KCNQ1: variants seen among roughly 807,000 people sequenced by gnomAD.
The protein encoded by KCNQ1 is potassium voltage-gated channel subfamily KQT member 1.
In KCNQ1, 49 loss-of-function variants were observed where a neutral mutation model predicts 72.4. That is an observed-to-expected ratio of 0.68 (90% confidence interval 0.54 to 0.86). The LOEUF (loss-of-function observed/expected upper bound fraction) is 0.86. Among genes scored for constraint, KCNQ1 ranks in the 40% least tolerant of loss-of-function variants. KCNQ1 has a pLI of 0.00. For missense variants in KCNQ1, 790 were observed against 945.1 expected (o/e 0.84, Z 2.15); for synonymous variants, 450 against 412.6 (o/e 1.09, Z -1.10).
In KCNQ1 at chr11:2,808,693, C is replaced by T. The variant is rs1164015075; in HGVS notation, c.1794+30656C>T. On this transcript the variant is annotated intron_variant, in intron 15 of 15. Coordinates refer to ENST00000155840, the MANE Select transcript of KCNQ1 (RefSeq NM_000218.3). This position sits in a 1 kb window ranked among gnomAD's most constrained non-coding sequence, Gnocchi z 6.0. The stretch of plus-strand genomic sequence containing the variant: ...AATGAAAGGTAAATACCTTCATGAC[C>T]ATGCCCCCTTTCCCTAGGATACCCC... Among the ~76,000 whole-genome samples the T allele has an allele frequency of 6.6e-6, 1 of 152,098 alleles. No homozygotes were observed. The highest frequency in any genetic ancestry group is 6.5e-5 in the Admixed American group (1 of 15,274).
intron 10 of KCNQ1, chr11:2,660,313 T>C (rs889708275): frequency 2.5e-6 from 1 of 398,336 alleles, no homozygotes; most frequent in Admixed American, 4.4e-5. Flanking sequence ...TATGTATACA[T>C]ACAACACATT....
chr11:2,454,888 A>T (rs1846165048), intron 1 of KCNQ1, among the ~76,000 whole-genome samples: 1 of 152,148 alleles, frequency 6.6e-6, no homozygotes, highest in South Asian at 2.1e-4. Flanking sequence ...CACCACTCCT[A>T]TTCAAAATAA....
At chr11:2,812,665 C>A (rs957019498) in intron 15 of KCNQ1, among the ~76,000 whole-genome samples, 1 of 152,196 alleles carries the variant, frequency 6.6e-6, no homozygotes, top group Non-Finnish European at 1.5e-5. Context: ...ATAAACCAGA[C>A]CACAGCACTG....
intron 2 of KCNQ1, among the ~76,000 whole-genome samples, chr11:2,540,459 C>T (rs533872306): frequency 3.3e-5 from 5 of 152,208 alleles, no homozygotes; most frequent in African/African-American, 7.2e-5. Flanking sequence ...GCTCTTCCCA[C>T]GAGATTTTCT....
At chr11:2,777,736 G>A in intron 14 of KCNQ1, 1 of 612,110 alleles carries the variant, frequency 1.6e-6, no homozygotes, top group Non-Finnish European at 2.9e-6. Context: ...GCTCTCAGAG[G>A]TCAGAGGTGG....
chr11:2,733,156 G>A (rs1215497294), intron 11 of KCNQ1, among the ~76,000 whole-genome samples: 2 of 152,004 alleles, frequency 1.3e-5, no homozygotes, highest in East Asian at 1.9e-4. Flanking sequence ...CTCTGGCCCC[G>A]CAGCTGGGGT....
intron 11 of KCNQ1, among the ~76,000 whole-genome samples, chr11:2,756,946 C>A (rs1846309109): frequency 1.4e-5 from 1 of 71,024 alleles, no homozygotes; most frequent in African/African-American, 5.4e-5. Context: ...TGATCAAGAG[C>A]ATCTTAAAAA....
chr11:2,505,575 C>G (rs561939841), intron 1 of KCNQ1, among the ~76,000 whole-genome samples: 46 of 152,300 alleles, frequency 3.0e-4, no homozygotes, highest in South Asian at 1.9e-3. Context: ...ACTGAAGTCT[C>G]TCACCATCAT....
intron 11 of KCNQ1, among the ~76,000 whole-genome samples, chr11:2,705,917 A>G (rs1850903959): frequency 6.6e-6 from 1 of 152,236 alleles, no homozygotes; most frequent in Non-Finnish European, 1.5e-5. Context: ...TGCTGAAATG[A>G]AACCCACCAG....
At chr11:2,552,403 C>T (rs1265442479) in intron 2 of KCNQ1, among the ~76,000 whole-genome samples, 4 of 152,212 alleles carry the variant, frequency 2.6e-5, no homozygotes, top group South Asian at 2.1e-4. Flanking sequence ...TGTGTGGGTT[C>T]GATTTCTGGA....
chr11:2,756,741 C>G (rs1004521418), intron 11 of KCNQ1, among the ~76,000 whole-genome samples: 2 of 151,906 alleles, frequency 1.3e-5, no homozygotes, highest in Non-Finnish European at 2.9e-5. Context: ...TGTGAGCCAC[C>G]ACACCTGGCC....
At chr11:2,835,264 C>T (rs1848036271) in intron 15 of KCNQ1, among the ~76,000 whole-genome samples, 1 of 152,148 alleles carries the variant, frequency 6.6e-6, no homozygotes, top group African/African-American at 2.4e-5. Flanking sequence ...TGGCACCTGG[C>T]TGTTGCCCCC....
intron 10 of KCNQ1, chr11:2,633,127 G>A (rs2133818806): frequency 2.5e-6 from 1 of 398,420 alleles, no homozygotes; most frequent in African/African-American, 2.1e-5. Flanking sequence ...GTGAAATAAT[G>A]TCTCACTGTG....
At position 2,715,369 on chromosome 11, in the gene KCNQ1, G is replaced by C. The variant is rs565437905; in HGVS notation, c.1514+53288G>C. Among the ~76,000 whole-genome samples the C allele has an allele frequency of 6.6e-5, 10 of 152,220 alleles. No individual in the cohort carries two copies. The highest frequency in any genetic ancestry group is 7.4e-5 in the Non-Finnish European group (5 of 67,988). On this transcript the variant is annotated intron_variant, in intron 11 of 15. Transcript: ENST00000155840. This position sits in a 1 kb window ranked among gnomAD's most constrained non-coding sequence, Gnocchi z 4.9. ...AGGAGCCAGGAAGGTGGACAGAGCA[G>C]GCAGGAGTGGGGCAGGAGGGGGCTT...
At position 2,818,820 on chromosome 11, in the gene KCNQ1, C is replaced by A. The variant is rs1847674881; in HGVS notation, c.1795-28947C>A. On this transcript the variant is annotated intron_variant, in intron 15 of 15. Coordinates refer to ENST00000155840, the MANE Select transcript of KCNQ1 (RefSeq NM_000218.3). This position sits in a 1 kb window ranked among gnomAD's most constrained non-coding sequence, Gnocchi z 7.2. ...ACACACTCCCCAACAGGTGTCTCCA[C>A]AACTGCCAGGAGACAGCTCAGCTTA... 6.6e-6 allele frequency among the ~76,000 whole-genome samples: 1 copy of A among 152,040 alleles called. No individual in the cohort carries two copies. The highest frequency in any genetic ancestry group is 1.5e-5 in the Non-Finnish European group (1 of 68,002).
At chr11:2,583,957 T>C (rs1206344030) in intron 7 of KCNQ1, among the ~76,000 whole-genome samples, 1 of 152,184 alleles carries the variant, frequency 6.6e-6, no homozygotes, top group African/African-American at 2.4e-5. Context: ...TGTAAGGTGA[T>C]GTGTCTAGTT....
At position 2,673,142 on chromosome 11, in the gene KCNQ1, C is replaced by A; in HGVS notation, c.1514+11061C>A. ...GCAGCATCAGGGCAGGGGTGCTGAC[C>A]ATCCCTGACCCAAGCACGAGGATCA... On this transcript the variant is annotated intron_variant, in intron 11 of 15. Coordinates refer to ENST00000155840, the MANE Select transcript of KCNQ1 (RefSeq NM_000218.3). This position sits in a 1 kb window ranked among gnomAD's most constrained non-coding sequence, Gnocchi z 4.5. 1 of 398,694 alleles carries A rather than the reference C, an allele frequency of 2.5e-6. No individual in the cohort carries two copies. Among genetic ancestry groups the A allele is most frequent in the South Asian group, 1.3e-4 (1 of 7,838 alleles). 24.7% of individuals were successfully genotyped at this position (398,694 alleles called of 1,614,324 possible).
At chr11:2,845,572 G>C (rs577808612) in intron 15 of KCNQ1, among the ~76,000 whole-genome samples, 4 of 152,218 alleles carry the variant, frequency 2.6e-5, no homozygotes, top group Non-Finnish European at 5.9e-5. Context: ...GGTTTATCTG[G>C]GAAAAATAAA....
chr11:2,782,240 A>G lies in KCNQ1; in HGVS notation c.1794+4203A>G, dbSNP rs1035630073. On this transcript the variant is annotated intron_variant, in intron 15 of 15. Coordinates refer to ENST00000155840, the MANE Select transcript of KCNQ1 (RefSeq NM_000218.3). The surrounding 1 kb of genome is among the most constrained non-coding windows in gnomAD (Gnocchi z 6.1). ...CAGGCCTTTATCATCTCTTACTTGG[A>G]TTATTTTTCCAGCCATATATGCGGT... 3.9e-5 allele frequency among the ~76,000 whole-genome samples: 6 copies of G among 152,198 alleles called. No homozygotes were observed. Among genetic ancestry groups the G allele is most frequent in the Admixed American group, 2.6e-4 (4 of 15,288 alleles).
Sources: allele counts gnomAD v4.1 joint callset (sites outside exome capture counted in the v4.1 genomes callset), GRCh38; gene constraint gnomAD v4.1.1; non-coding constraint Gnocchi (gnomAD v3.1); transcripts MANE v1.5; gene names NCBI Gene and HGNC (gene_info 2026-07-23, HGNC 2026-07-21).